CLTC: variants seen among roughly 807,000 people sequenced by gnomAD.
CLTC encodes clathrin heavy chain.
In CLTC, 16 loss-of-function variants were observed where a neutral mutation model predicts 195.8. That is an observed-to-expected ratio of 0.08 (90% CI 0.06 to 0.12). CLTC has a LOEUF of 0.12. Ranked by LOEUF, CLTC falls within the 10% of genes least tolerant of loss-of-function variation. The pLI, the probability that CLTC is intolerant of heterozygous loss-of-function variation, is 1.00. For synonymous variants in CLTC, 667 were observed against 689.4 expected (o/e 0.97, Z 0.51); for missense variants, 796 against 2,027.0 (o/e 0.39, Z 11.66).
intron 1 of CLTC, among the ~76,000 whole-genome samples, chr17:59,626,464 A>G (rs551623416): frequency 6.6e-6 from 1 of 152,302 alleles, no homozygotes; most frequent in South Asian, 2.1e-4. Context: ...AACTTAATGA[A>G]TCATATCGGA....
chr17:59,643,453 A>G (rs2032101723), intron 1 of CLTC, among the ~76,000 whole-genome samples: 2 of 152,184 alleles, frequency 1.3e-5, no homozygotes, highest in Admixed American at 6.5e-5. Flanking sequence ...CTGAGTACAC[A>G]AAGCAAATCT....
At chr17:59,652,175 CACTT>C (rs2032343361) in intron 5 of CLTC, among the ~76,000 whole-genome samples, 1 of 152,166 alleles carries the variant, frequency 6.6e-6, no homozygotes, top group South Asian at 2.1e-4. Flanking sequence ...ACCACATCTC[CACTT>C]ACTTGCTCCA....
At chr17:59,687,210 C>G (rs2033203563) in intron 30 of CLTC, 1 of 158,146 alleles carries the variant, frequency 6.3e-6, no homozygotes, top group Non-Finnish European at 1.4e-5. Context: ...ACGTTTGCTA[C>G]TAATCGGCTA....
chr17:59,684,863 CAT>C (rs2033149350), intron 28 of CLTC, among the ~76,000 whole-genome samples, 191 bp from the exon 29 acceptor site: 2 of 151,394 alleles, frequency 1.3e-5, no homozygotes, highest in African/African-American at 4.8e-5. Flanking sequence ...ATTTCATAGC[CAT>C]ATGTTAGTCC....
chr17:59,675,421 G>A (rs1025651811), intron 16 of CLTC, among the ~76,000 whole-genome samples: 6 of 152,194 alleles, frequency 3.9e-5, no homozygotes, highest in African/African-American at 1.4e-4. Context: ...TGTTTAGGAA[G>A]TACTGATGTA....
At position 59,673,504 on chromosome 17, in the gene CLTC, C is replaced by A. The variant is rs2032899474; in HGVS notation, c.2293-143C>A. 36 of 619,026 alleles carry A rather than the reference C, an allele frequency of 5.8e-5. No homozygotes were observed. The South Asian group carries it at 8.0e-4, about 14-fold the overall frequency. 38.3% of individuals were successfully genotyped at this position (619,026 alleles called of 1,614,324 possible). On this transcript the variant is annotated intron_variant, in intron 14 of 31. Coordinates refer to ENST00000269122, the MANE Select transcript of CLTC (RefSeq NM_004859.4). ...CTGAAACTGGGATGTACACACTCAACTATTGGGACATTCTTTCTTTAACAG... is the reference window on the plus strand; with the variant it reads ...CTGAAACTGGGATGTACACACTCAAATATTGGGACATTCTTTCTTTAACAG...
At chr17:59,660,654 T>C (rs761429349) in intron 7 of CLTC, 66 bp downstream of exon 7, 26 of 1,504,834 alleles carry the variant, frequency 1.7e-5, no homozygotes, top group Non-Finnish European at 2.3e-5. Flanking sequence ...TTTCTTATAT[T>C]ACTAGAAAAG....
Position 59,690,704 on chromosome 17 carries a change from T to C in CLTC, c.4896T>C (p.Ile1632=), listed in dbSNP as rs780336738. 2 of 1,610,548 alleles carry C rather than the reference T, an allele frequency of 1.2e-6. No homozygotes were observed. The highest frequency in any genetic ancestry group is 1.3e-5 in the African/African-American group (1 of 74,820). The change falls in exon 31 of 32, where the codon ATT becomes ATC. Residue 1632 remains isoleucine (I), a synonymous_variant. Transcript: ENST00000269122. The part of the protein sequence containing the change: ...EEEQATETQP[I]VYGQPQLMLT... The stretch of plus-strand genomic sequence containing the variant: ...AACAAGCTACAGAGACACAACCCAT[T>C]GTTTATGGTAATCTCTCTCTGTAAC...
chr17:59,671,480 G>C (rs1260693212), intron 14 of CLTC, among the ~76,000 whole-genome samples: 1 of 152,106 alleles, frequency 6.6e-6, no homozygotes, highest in Non-Finnish European at 1.5e-5. Context: ...TGCCAATTGT[G>C]TGTTAGCCAC....
intron 14 of CLTC, chr17:59,670,918 T>G (rs963421809): frequency 9.2e-5 from 14 of 152,210 alleles, no homozygotes; most frequent in African/African-American, 3.4e-4. Flanking sequence ...CAGACCTGTT[T>G]CAAATTCTAC....
At chr17:59,678,767 G>A (rs772190332) in intron 17 of CLTC, among the ~76,000 whole-genome samples, 38 of 152,288 alleles carry the variant, frequency 2.5e-4, no homozygotes, top group Non-Finnish European at 3.8e-4. Flanking sequence ...TTGGGAGGCC[G>A]AGGCAGGAGG....
chr17:59,689,918 A>T (rs1012936245), intron 30 of CLTC: 2 of 152,204 alleles, frequency 1.3e-5, no homozygotes, highest in Non-Finnish European at 2.9e-5. Flanking sequence ...TCACTAATAC[A>T]TTTGGCCTGC....
intron 1 of CLTC, among the ~76,000 whole-genome samples, chr17:59,637,420 AT>A (rs2143474892): frequency 6.6e-6 from 1 of 150,672 alleles, no homozygotes; most frequent in South Asian, 2.1e-4. Context: ...AATTTTTTGT[AT>A]TTTTAGTAGA....
At position 59,681,192 on chromosome 17, in the gene CLTC, C is replaced by A; in HGVS notation, c.3066-103C>A. On this transcript the variant is annotated intron_variant, in intron 19 of 31. Coordinates refer to ENST00000269122, the MANE Select transcript of CLTC (RefSeq NM_004859.4). This position sits in a 1 kb window ranked among gnomAD's most constrained non-coding sequence, Gnocchi z 5.0. Reference sequence around the variant, plus strand: ...ACTCTTCTAATATCCTCCCCCCTACCCTACCTCTTGAGACAAAAACCTCTC... The same window carrying A: ...ACTCTTCTAATATCCTCCCCCCTACACTACCTCTTGAGACAAAAACCTCTC... 6.9e-7 allele frequency: 1 copy of A among 1,450,998 alleles called. No homozygotes were observed. Among genetic ancestry groups the A allele is most frequent in the Non-Finnish European group, 9.4e-7 (1 of 1,066,558 alleles). 89.9% of individuals were successfully genotyped at this position (1,450,998 alleles called of 1,614,324 possible).
At chr17:59,663,258 A>G (rs2032651321) in intron 8 of CLTC, among the ~76,000 whole-genome samples, 1 of 152,224 alleles carries the variant, frequency 6.6e-6, no homozygotes, top group Admixed American at 6.5e-5. Context: ...AATAACACAG[A>G]AGACAGTATC....
intron 30 of CLTC, chr17:59,686,883 CA>C: frequency 2.0e-6 from 1 of 504,688 alleles, no homozygotes; most frequent in Non-Finnish European, 2.6e-6. Flanking sequence ...TCACTTCTCT[CA>C]TACCTTTTTA....
intron 18 of CLTC, 45 bp from the exon 19 acceptor site, chr17:59,680,867 A>G (rs1383211698): frequency 6.7e-7 from 1 of 1,491,850 alleles, no homozygotes; most frequent in South Asian, 1.4e-5. Flanking sequence ...GCTTTTTTAA[A>G]ACCAACTTGA....
At chr17:59,687,955 A>T (rs1014771258) in intron 30 of CLTC, among the ~76,000 whole-genome samples, 16 of 152,314 alleles carry the variant, frequency 1.1e-4, no homozygotes, top group Admixed American at 5.2e-4. Flanking sequence ...AAACAAATTT[A>T]AAAGAATTTG....
chr17:59,664,564 A>G (rs1313254828), intron 9 of CLTC: 3 of 281,516 alleles, frequency 1.1e-5, no homozygotes, highest in Non-Finnish European at 1.6e-5. Flanking sequence ...AAAAAAAAAA[A>G]AAAGAAAAGA....
Sources: gnomAD v4.1 joint callset for allele counts (sites outside exome capture counted in the v4.1 genomes callset) on GRCh38, gnomAD v4.1.1 for gene constraint, Gnocchi (gnomAD v3.1) non-coding constraint, MANE v1.5 for transcripts, NCBI Gene and HGNC (gene_info 2026-07-23, HGNC 2026-07-21) for gene names.